The following RPRD2 variants were observed in gnomAD, a reference collection of about 807,000 sequenced individuals.
The protein encoded by RPRD2 is regulation of nuclear pre-mRNA domain-containing protein 2.
In RPRD2, 12 loss-of-function variants were observed where a neutral mutation model predicts 104.4. The ratio of observed to expected loss-of-function variants is 0.11; its 90% CI spans 0.07 to 0.19. The LOEUF (loss-of-function observed/expected upper bound fraction) is 0.19. Ranked by LOEUF, RPRD2 falls within the 10% of genes least tolerant of loss-of-function variation. RPRD2 has a pLI of 1.00. For missense variants in RPRD2, 1,543 were observed against 1,790.1 expected (o/e 0.86, Z 2.49); for synonymous variants, 714 against 684.9 (o/e 1.04, Z -0.66).
intron 1 of RPRD2, among the ~76,000 whole-genome samples, chr1:150,414,490 G>C (rs1433197383): frequency 6.6e-6 from 1 of 152,076 alleles, no homozygotes; most frequent in African/African-American, 2.4e-5. Context: ...GAATCCTGGA[G>C]AACATCAACA....
chr1:150,433,229 T>G (rs181419440), intron 2 of RPRD2, among the ~76,000 whole-genome samples: 17 of 151,994 alleles, frequency 1.1e-4, no homozygotes, highest in African/African-American at 4.1e-4. Context: ...CAGAGGCAGT[T>G]GTGAAAAATA....
At chr1:150,411,826 CAAA>C (rs1321936632) in intron 1 of RPRD2, among the ~76,000 whole-genome samples, 5 of 103,160 alleles carry the variant, frequency 4.8e-5, no homozygotes, top group South Asian at 3.2e-4. Context: ...ACGAAACAAA[CAAA>C]AGAAGAAGGC....
At chr1:150,401,811 T>C (rs1663040385) in intron 1 of RPRD2, among the ~76,000 whole-genome samples, 1 of 151,492 alleles carries the variant, frequency 6.6e-6, no homozygotes, top group Admixed American at 6.6e-5. Context: ...GCCCGGCTAA[T>C]TTTTTGTATT....
intron 7 of RPRD2, among the ~76,000 whole-genome samples, chr1:150,453,126 G>A (rs945845834): frequency 4.6e-5 from 7 of 151,196 alleles, no homozygotes; most frequent in African/African-American, 9.7e-5. Flanking sequence ...TCTGTCTCCC[G>A]GGTTCAAGCG....
At position 150,464,543 on chromosome 1, in the gene RPRD2, A is replaced by C; in HGVS notation, c.1428A>C (p.Ser476=). Residue 476 remains serine, a synonymous_variant, in exon 10 of 11, where the codon TCA becomes TCC. Coordinates refer to ENST00000369068, the MANE Select transcript of RPRD2 (RefSeq NM_015203.5). The stretch of plus-strand genomic sequence containing the variant: ...TGCCACCAGGGGTCAGTCCTGCATC[A>C]AGACCTTCTCCAGGAACGCCCACCA... ...VMKNTGVSPA[S]RPSPGTPTSP... The C allele has an allele frequency of 6.2e-7, 1 of 1,601,584 alleles. No individual in the cohort carries two copies. Among genetic ancestry groups the C allele is most frequent in the African/African-American group, 1.3e-5 (1 of 74,690 alleles).
At chr1:150,433,431 C>CACAG (rs1184381344) in intron 2 of RPRD2, among the ~76,000 whole-genome samples, 9 of 139,748 alleles carry the variant, frequency 6.4e-5, no homozygotes, top group Non-Finnish European at 4.6e-5. Context: ...CACACACACA[C>CACAG]AGACATAATT....
chr1:150,434,721 G>A (rs1166990941), intron 2 of RPRD2, among the ~76,000 whole-genome samples: 2 of 152,138 alleles, frequency 1.3e-5, no homozygotes, highest in Non-Finnish European at 2.9e-5. Flanking sequence ...GGAGGCTGAG[G>A]CAGAAGAATC....
intron 1 of RPRD2, among the ~76,000 whole-genome samples, chr1:150,415,577 C>T (rs1197459793): frequency 6.6e-6 from 1 of 151,898 alleles, no homozygotes; most frequent in African/African-American, 2.4e-5. Flanking sequence ...CCCAGCTACT[C>T]GAGAGGCTTG....
At chr1:150,442,231 A>G (rs1666456908) in intron 4 of RPRD2, among the ~76,000 whole-genome samples, 1 of 152,158 alleles carries the variant, frequency 6.6e-6, no homozygotes, top group Non-Finnish European at 1.5e-5. Context: ...GATTGCAAGA[A>G]GAAAAAAATA....
At chr1:150,455,850 G>A (rs1160185323) in intron 7 of RPRD2, among the ~76,000 whole-genome samples, 7 of 152,064 alleles carry the variant, frequency 4.6e-5, no homozygotes, top group Non-Finnish European at 8.8e-5. Context: ...GTCTCGCTTT[G>A]TCACCCAAGC....
chr1:150,376,733 C>A (rs992452933), intron 1 of RPRD2, among the ~76,000 whole-genome samples: 1 of 151,586 alleles, frequency 6.6e-6, no homozygotes, highest in African/African-American at 2.4e-5. Context: ...ATCTCCTGAC[C>A]TCGTGATCCG....
intron 9 of RPRD2, among the ~76,000 whole-genome samples, chr1:150,460,829 A>G (rs1424001055): frequency 6.6e-5 from 10 of 151,078 alleles, no homozygotes; most frequent in African/African-American, 2.4e-4. Context: ...CCCAGGTTCA[A>G]GCAATTCTGC....
intron 7 of RPRD2, among the ~76,000 whole-genome samples, chr1:150,450,358 G>A (rs1213886349): frequency 6.6e-6 from 1 of 151,906 alleles, no homozygotes; most frequent in Non-Finnish European, 1.5e-5. Context: ...TGTAATCCCA[G>A]CACTTTAGGA....
intron 9 of RPRD2, 80 bp downstream of exon 9, chr1:150,460,397 T>G (rs1485376830): frequency 4.9e-5 from 17 of 347,926 alleles, no homozygotes; most frequent in South Asian, 3.1e-4. Context: ...TTGGGGGGGT[T>G]GTTGTTGTTG....
intron 2 of RPRD2, among the ~76,000 whole-genome samples, chr1:150,436,445 C>CA (rs1553893114): frequency 6.7e-6 from 1 of 149,404 alleles, no homozygotes; most frequent in Non-Finnish European, 1.5e-5. Flanking sequence ...ACTAAAAATA[C>CA]AAAAAATTAG....
intron 1 of RPRD2, among the ~76,000 whole-genome samples, chr1:150,372,004 GA>G (rs1370878257): frequency 5.3e-5 from 8 of 151,858 alleles, no homozygotes; most frequent in African/African-American, 1.2e-4. Context: ...TAAAAAAAGG[GA>G]AAAAAATGGA....
At chr1:150,444,964 A>C (rs1553895277) in intron 6 of RPRD2, among the ~76,000 whole-genome samples, 1 of 152,304 alleles carries the variant, frequency 6.6e-6, no homozygotes, top group African/African-American at 2.4e-5. Context: ...GGGCAGGAGG[A>C]CTGCTTGAGA....
chr1:150,462,557 A>C (rs1489462212), intron 9 of RPRD2, among the ~76,000 whole-genome samples: 2 of 151,426 alleles, frequency 1.3e-5, no homozygotes, highest in Non-Finnish European at 2.9e-5. Context: ...ATTTTTATTT[A>C]TTTATTTATT....
At chr1:150,455,902 C>G (rs2102401292) in intron 7 of RPRD2, among the ~76,000 whole-genome samples, 1 of 152,280 alleles carries the variant, frequency 6.6e-6, no homozygotes, top group Admixed American at 6.5e-5. Context: ...CAGCCCTGAC[C>G]TGGGCTCAAG....
Sources: gnomAD v4.1 joint callset for allele counts (sites outside exome capture counted in the v4.1 genomes callset) on GRCh38, gnomAD v4.1.1 for gene constraint, MANE v1.5 for transcripts, NCBI Gene and HGNC (gene_info 2026-07-23, HGNC 2026-07-21) for gene names.